SYNJ1: variants seen among roughly 807,000 people sequenced by gnomAD.
SYNJ1 encodes the protein synaptojanin 1.
Under a neutral mutation model 168.2 loss-of-function variants are expected in SYNJ1, and 78 were observed. The ratio of observed to expected loss-of-function variants is 0.46; its 90% confidence interval spans 0.39 to 0.56. SYNJ1 has a LOEUF of 0.56. Ranked by LOEUF, SYNJ1 falls within the 20% of genes least tolerant of loss-of-function variation. The pLI, the probability that SYNJ1 is intolerant of heterozygous loss-of-function variation, is 0.00. For missense variants in SYNJ1, 1,303 were observed against 1,597.6 expected, an observed-to-expected ratio of 0.82 and a Z score of 3.14; for synonymous variants, 539 against 548.6, an observed-to-expected ratio of 0.98 and a Z score of 0.24.
chr21:32,631,253 C>T lies in SYNJ1; in HGVS notation c.*552G>A, dbSNP rs146425050. 8.1e-4 allele frequency: 1,308 copies of T among 1,614,214 alleles called. 5 individuals are homozygous for T. The highest frequency in any genetic ancestry group is 9.6e-4 in the Non-Finnish European group (1,137 of 1,180,036). ...TTGACTTCCCTTTCACACCAAAATCCTCTTCTTCCTCGAAGGTTACCCATC... is the reference window on the plus strand; with the variant it reads ...TTGACTTCCCTTTCACACCAAAATCTTCTTCTTCCTCGAAGGTTACCCATC... On this transcript the variant is annotated 3_prime_UTR_variant, in exon 33 of 33. Transcript: ENST00000674351.
intron 24 of SYNJ1, chr21:32,645,998 T>C (rs775086999): frequency 2.4e-6 from 2 of 848,662 alleles, no homozygotes; most frequent in Admixed American, 3.4e-5. Flanking sequence ...CTGTGCTGAC[T>C]TCTTACCTAG....
chr21:32,694,932 A>G, intron 5 of SYNJ1, 125 bp downstream of exon 5: 13 of 1,065,138 alleles, frequency 1.2e-5, no homozygotes, highest in Non-Finnish European at 1.7e-5. Flanking sequence ...TAAGTAACCA[A>G]GAACAATCAT....
chr21:32,679,949 T>A (rs962396479), intron 11 of SYNJ1, among the ~76,000 whole-genome samples: 18 of 151,978 alleles, frequency 1.2e-4, no homozygotes, highest in African/African-American at 3.6e-4. Context: ...TATATTATGT[T>A]AAAGATAAAA....
At chr21:32,656,120 T>G (rs148166554) in intron 21 of SYNJ1, among the ~76,000 whole-genome samples, 1 of 152,356 alleles carries the variant, frequency 6.6e-6, no homozygotes, top group East Asian at 1.9e-4. Context: ...TATTTTTGTT[T>G]TCAATTGTTC....
intron 17 of SYNJ1, 116 bp from the exon 18 acceptor site, chr21:32,665,187 C>A: frequency 9.2e-7 from 1 of 1,088,000 alleles, no homozygotes; most frequent in Non-Finnish European, 1.3e-6. Context: ...TTCTTTGACC[C>A]AACAGTAATA....
chr21:32,647,391 G>C (rs1416654601), intron 23 of SYNJ1, among the ~76,000 whole-genome samples: 3 of 152,166 alleles, frequency 2.0e-5, no homozygotes, highest in African/African-American at 7.2e-5. Flanking sequence ...CAAAGTCCAT[G>C]TGGACAACTC....
intron 4 of SYNJ1, among the ~76,000 whole-genome samples, chr21:32,698,309 A>G (rs1317491445): frequency 1.3e-5 from 2 of 152,218 alleles, no homozygotes; most frequent in African/African-American, 4.8e-5. Flanking sequence ...CTGTTGCTCT[A>G]AAGTTAAGTT....
chr21:32,698,474 A>T (rs1336871679), intron 4 of SYNJ1, among the ~76,000 whole-genome samples: 1 of 152,212 alleles, frequency 6.6e-6, no homozygotes, highest in Non-Finnish European at 1.5e-5. Flanking sequence ...TGAACTGTTA[A>T]GGGAGGCCAA....
In SYNJ1 at chr21:32,645,670, G is replaced by A. The variant is rs2040029854; in HGVS notation, c.3367C>T (p.Pro1123Ser). Residue 1123 changes from proline (P) to serine (S), a missense_variant, in exon 25 of 33, where the codon CCA (proline) becomes TCA (serine). Around this residue, in one of 2 missense-constraint regions of SYNJ1, gnomAD observed 383 missense variants for 388.8 expected, o/e 0.99. Coordinates refer to ENST00000674351, the MANE Select transcript of SYNJ1 (RefSeq NM_203446.3). The part of the protein sequence containing the change: ...PVAPPTRPAP[P>S]QRPPPPSGAR... The stretch of plus-strand genomic sequence containing the variant: ...CCTGAAGGCGGAGGAGGTCTCTGTG[G>A]GGGAGCCGGGCGTGTGGGAGGGGCG... 6.6e-7 allele frequency: 1 copy of A among 1,525,136 alleles called. No individual in the cohort carries two copies. The highest frequency in any genetic ancestry group is 1.3e-5 in the South Asian group (1 of 77,434). The allele number at this position is 1,525,136 out of a possible 1,614,324, so 94.5% of individuals were successfully genotyped here.
intron 21 of SYNJ1, chr21:32,653,763 C>A: frequency 6.5e-6 from 1 of 153,808 alleles, no homozygotes; most frequent in Non-Finnish European, 1.4e-5. Flanking sequence ...CAACCCAGTA[C>A]TATGTATTTT....
In SYNJ1 at chr21:32,643,558, A is replaced by G. The variant is rs557810064; in HGVS notation, c.3431-101T>C. The stretch of plus-strand genomic sequence containing the variant: ...ATTTCCATAGTAAACTCACTTTTGC[A>G]AAAAGGCTCTTTTATTGCTTTAAAT... On this transcript the variant is annotated intron_variant, in intron 26 of 32. Transcript: ENST00000674351. 1.7e-4 allele frequency: 210 copies of G among 1,222,096 alleles called. 5 individuals carry two copies. In the South Asian group the frequency reaches 2.7e-3, roughly 16 times the overall value. 75.7% of individuals were successfully genotyped at this position (1,222,096 alleles called of 1,614,324 possible). A position where few individuals can be genotyped will look rare whatever the true frequency, so the allele number is the denominator to read the frequency against.
intron 15 of SYNJ1, among the ~76,000 whole-genome samples, chr21:32,667,679 C>T (rs1014941343): frequency 1.3e-4 from 20 of 152,074 alleles, no homozygotes; most frequent in Non-Finnish European, 2.2e-4. Context: ...AAGCGATCCT[C>T]CCACCTCAGC....
At chr21:32,711,585 C>A (rs1180510933) in intron 2 of SYNJ1, among the ~76,000 whole-genome samples, 1 of 152,202 alleles carries the variant, frequency 6.6e-6, no homozygotes, top group Non-Finnish European at 1.5e-5. Flanking sequence ...CCACCTCAGC[C>A]TCCCAGAGTG....
At chr21:32,668,096 G>A (rs1365941083) in intron 15 of SYNJ1, among the ~76,000 whole-genome samples, 2 of 148,478 alleles carry the variant, frequency 1.3e-5, no homozygotes, top group Admixed American at 1.3e-4. Flanking sequence ...ACAGAGTCTT[G>A]CTCTGTCACT....
At chr21:32,673,020 C>A (rs1296083485) in intron 14 of SYNJ1, among the ~76,000 whole-genome samples, 1 of 152,048 alleles carries the variant, frequency 6.6e-6, no homozygotes. Flanking sequence ...AAAATAAAAA[C>A]AAAACTAGAT....
intron 2 of SYNJ1, among the ~76,000 whole-genome samples, chr21:32,712,566 C>T (rs2042866474): frequency 6.6e-6 from 1 of 151,920 alleles, no homozygotes; most frequent in Non-Finnish European, 1.5e-5. Context: ...AAAAAACTTT[C>T]ATTCACGCAA....
chr21:32,667,865 C>T (rs1327704909), intron 15 of SYNJ1, among the ~76,000 whole-genome samples: 4 of 151,944 alleles, frequency 2.6e-5, no homozygotes, highest in Admixed American at 6.6e-5. Context: ...GTTCACTGTC[C>T]GTTTCTTCCC....
intron 31 of SYNJ1, 104 bp from the exon 32 acceptor site, chr21:32,634,988 G>T (rs749697830): frequency 1.7e-6 from 2 of 1,163,314 alleles, no homozygotes; most frequent in Non-Finnish European, 1.3e-6. Context: ...CTAAGTTACA[G>T]ACAGAACCCA....
intron 2 of SYNJ1, among the ~76,000 whole-genome samples, chr21:32,706,232 A>C (rs1399292427): frequency 6.6e-6 from 1 of 152,200 alleles, no homozygotes; most frequent in Non-Finnish European, 1.5e-5. Context: ...TTTCCATTTA[A>C]GGAGACTAAA....
Sources: gnomAD v4.1 joint callset for allele counts (sites outside exome capture counted in the v4.1 genomes callset) on GRCh38, gnomAD v4.1.1 for gene constraint, gnomAD v4.1.1 regional missense constraint, MANE v1.5 for transcripts, NCBI Gene and HGNC (gene_info 2026-07-23, HGNC 2026-07-21) for gene names.